NALF1: variants seen among roughly 807,000 people sequenced by gnomAD.
NALF1 encodes the protein family with sequence similarity 155 member A.
In NALF1, 3 loss-of-function variants were observed where a neutral mutation model predicts 48.4. The ratio of observed to expected loss-of-function variants is 0.06; its 90% CI spans 0.03 to 0.16. NALF1 has a LOEUF of 0.16. Ranked by LOEUF, NALF1 falls within the 10% of genes least tolerant of loss-of-function variation. The probability of loss-of-function intolerance (pLI) is 1.00; values close to 1 mark genes in which losing one functional copy is unlikely to be tolerated. For missense variants in NALF1, 526 were observed against 571.5 expected (o/e 0.92, Z 0.81); for synonymous variants, 262 against 245.7 (o/e 1.07, Z -0.62).
At chr13:107,295,807 A>G (rs959970635) in intron 1 of NALF1, among the ~76,000 whole-genome samples, 7 of 152,162 alleles carry the variant, frequency 4.6e-5, no homozygotes, top group Non-Finnish European at 1.0e-4. Flanking sequence ...TGGGCATAAA[A>G]TTCATGCTCA....
At chr13:107,564,014 C>G (rs915143317) in intron 1 of NALF1, among the ~76,000 whole-genome samples, 7 of 152,060 alleles carry the variant, frequency 4.6e-5, no homozygotes, top group Non-Finnish European at 1.5e-5. Context: ...ATATTTGGCC[C>G]CTTATTGTTC....
intron 1 of NALF1, among the ~76,000 whole-genome samples, chr13:107,688,026 C>T (rs1594207774): frequency 6.6e-6 from 1 of 152,104 alleles, no homozygotes; most frequent in Non-Finnish European, 1.5e-5. Context: ...TAAAGTACAA[C>T]AATATTAACT....
chr13:107,441,372 G>A (rs543345533), intron 1 of NALF1, among the ~76,000 whole-genome samples: 3 of 152,168 alleles, frequency 2.0e-5, no homozygotes, highest in Non-Finnish European at 2.9e-5. Flanking sequence ...TTAAGGCAAC[G>A]TGAGGATCAT....
intron 1 of NALF1, among the ~76,000 whole-genome samples, chr13:107,490,733 A>G (rs1022708915): frequency 2.6e-5 from 4 of 152,158 alleles, no homozygotes; most frequent in Non-Finnish European, 5.9e-5. Context: ...TTAAAGGTCA[A>G]TATCTGTATA....
chr13:107,307,771 A>G (rs1031121792), intron 1 of NALF1, among the ~76,000 whole-genome samples: 1 of 152,110 alleles, frequency 6.6e-6, no homozygotes, highest in African/African-American at 2.4e-5. Flanking sequence ...AAGACAATTC[A>G]CCCTTTAACA....
intron 1 of NALF1, among the ~76,000 whole-genome samples, chr13:107,627,381 T>C (rs918426222): frequency 1.5e-4 from 23 of 152,216 alleles, no homozygotes; most frequent in African/African-American, 4.6e-4. Context: ...TTGTTCTCCT[T>C]ACGATTATTA....
chr13:107,556,050 A>G (rs1165544194), intron 1 of NALF1, among the ~76,000 whole-genome samples: 1 of 152,074 alleles, frequency 6.6e-6, no homozygotes, highest in African/African-American at 2.4e-5. Context: ...TGAATGTATT[A>G]TCTCTTCAAA....
chr13:107,535,592 G>C (rs551837434), intron 1 of NALF1, among the ~76,000 whole-genome samples: 2 of 152,210 alleles, frequency 1.3e-5, no homozygotes, highest in East Asian at 3.9e-4. Flanking sequence ...CAAACAAATG[G>C]AAGAACATTC....
chr13:107,253,794 C>T (rs1047063284), intron 1 of NALF1, among the ~76,000 whole-genome samples: 4 of 152,030 alleles, frequency 2.6e-5, no homozygotes, highest in Admixed American at 1.3e-4. Context: ...TCATCTGTTC[C>T]TCTCCCGGAT....
intron 1 of NALF1, among the ~76,000 whole-genome samples, chr13:107,396,449 A>G (rs1883714144): frequency 6.6e-6 from 1 of 152,164 alleles, no homozygotes; most frequent in East Asian, 1.9e-4. Flanking sequence ...TGTGCTACCA[A>G]GAACATATAC....
chr13:107,441,420 T>C (rs1401724402), intron 1 of NALF1, among the ~76,000 whole-genome samples: 2 of 152,172 alleles, frequency 1.3e-5, no homozygotes, highest in African/African-American at 4.8e-5. Context: ...TTCTAGGCTT[T>C]TGCATCAGGT....
rs200910351 is a variant in NALF1 at position 107,640,165 on chromosome 13, CA to C, written c.915+225516del. On this transcript the variant is annotated intron_variant, in intron 1 of 2. Coordinates refer to ENST00000375915, the MANE Select transcript of NALF1 (RefSeq NM_001080396.3). Reference sequence around the variant, plus strand: ...AATTATAATTAAAAGAAACTTCTGCCAAAAAAAAGAAGAAAACAACTTTACA... The same window carrying C: ...AATTATAATTAAAAGAAACTTCTGCCAAAAAAAGAAGAAAACAACTTTACA... 4.0e-5 allele frequency among the ~76,000 whole-genome samples: 6 copies of C among 150,986 alleles called. No individual in the cohort carries two copies. The East Asian group carries it at 5.8e-4, about 15-fold the overall frequency.
intron 1 of NALF1, among the ~76,000 whole-genome samples, chr13:107,697,730 G>T (rs1881730996): frequency 6.6e-6 from 1 of 152,070 alleles, no homozygotes; most frequent in Non-Finnish European, 1.5e-5. Context: ...AGAATCAAAA[G>T]TATTAACATT....
intron 1 of NALF1, among the ~76,000 whole-genome samples, chr13:107,528,231 A>G (rs529291295): frequency 8.5e-5 from 13 of 152,254 alleles, no homozygotes; most frequent in African/African-American, 3.1e-4. Context: ...TAGAAAAAAA[A>G]ATAGTTCCAC....
At chr13:107,564,144 G>A (rs1877722628) in intron 1 of NALF1, among the ~76,000 whole-genome samples, 1 of 152,156 alleles carries the variant, frequency 6.6e-6, no homozygotes, top group Non-Finnish European at 1.5e-5. Context: ...GCACCATCCT[G>A]ATGGAGTCTG....
At chr13:107,285,603 T>TAC (rs1165804509) in intron 1 of NALF1, among the ~76,000 whole-genome samples, 1 of 152,180 alleles carries the variant, frequency 6.6e-6, no homozygotes, top group African/African-American at 2.4e-5. Flanking sequence ...AGGTAATAGA[T>TAC]ACCATGGGTA....
chr13:107,762,036 G>A (rs182135474), intron 1 of NALF1, among the ~76,000 whole-genome samples: 14 of 152,210 alleles, frequency 9.2e-5, no homozygotes, highest in African/African-American at 3.4e-4. Context: ...TCATTATTAA[G>A]ATCTTTGTGT....
chr13:107,653,482 T>C (rs545439953), intron 1 of NALF1, among the ~76,000 whole-genome samples: 2 of 13,100 alleles, frequency 1.5e-4, no homozygotes, highest in East Asian at 0.071. Flanking sequence ...AGCAGAGAGG[T>C]ATTTTTTTTT....
At chr13:107,790,102 A>G (rs1878187586) in intron 1 of NALF1, among the ~76,000 whole-genome samples, 1 of 152,200 alleles carries the variant, frequency 6.6e-6, no homozygotes, top group African/African-American at 2.4e-5. Flanking sequence ...AATTTAGGAA[A>G]CTAGAGTGGT....
Sources: gnomAD v4.1 joint callset for allele counts (sites outside exome capture counted in the v4.1 genomes callset) on GRCh38, gnomAD v4.1.1 for gene constraint, MANE v1.5 for transcripts, NCBI Gene and HGNC (gene_info 2026-07-23, HGNC 2026-07-21) for gene names.